The following PIP4K2A variants were observed in gnomAD, a reference collection of about 807,000 sequenced individuals.
PIP4K2A encodes phosphatidylinositol-5-phosphate 4-kinase type 2 alpha.
Under a neutral mutation model 42.9 loss-of-function variants are expected in PIP4K2A, and 14 were observed. The observed-to-expected ratio is 0.33, with a 90% CI of 0.22 to 0.51. PIP4K2A has a LOEUF of 0.51. Ranked by LOEUF, PIP4K2A falls within the 20% of genes least tolerant of loss-of-function variation. The pLI, the probability that PIP4K2A is intolerant of heterozygous loss-of-function variation, is 0.97. For synonymous variants in PIP4K2A, 192 were observed against 192.2 expected (o/e 1.00, Z 0.01); for missense variants, 434 against 519.8 (o/e 0.83, Z 1.61).
intron 3 of PIP4K2A, among the ~76,000 whole-genome samples, chr10:22,592,978 T>A (rs192100523): frequency 6.6e-6 from 1 of 152,256 alleles, no homozygotes; most frequent in Non-Finnish European, 1.5e-5. Flanking sequence ...GGGCAGGTGA[T>A]AGATAGCTCT....
intron 7 of PIP4K2A, among the ~76,000 whole-genome samples, chr10:22,546,307 C>CT (rs1225277564): frequency 1.3e-5 from 2 of 152,084 alleles, no homozygotes; most frequent in East Asian, 1.9e-4. Context: ...TGGTAGAAGT[C>CT]TTTTTTTAAT....
chr10:22,577,270 C>T (rs900231444), intron 4 of PIP4K2A, among the ~76,000 whole-genome samples: 1 of 151,826 alleles, frequency 6.6e-6, no homozygotes, highest in East Asian at 1.9e-4. Flanking sequence ...GCTTGACTTC[C>T]GGTAGCCCCA....
At chr10:22,652,391 G>A (rs147148213) in intron 1 of PIP4K2A, among the ~76,000 whole-genome samples, 80 of 152,228 alleles carry the variant, frequency 5.3e-4, no homozygotes, top group Non-Finnish European at 1.0e-3. Context: ...AAAGTACAGG[G>A]ATTACAAGTG....
chr10:22,625,435 T>C (rs1246182058), intron 1 of PIP4K2A, among the ~76,000 whole-genome samples: 1 of 152,226 alleles, frequency 6.6e-6, no homozygotes, highest in African/African-American at 2.4e-5. Context: ...ATGACTATAA[T>C]GTATACATCA....
chr10:22,601,443 C>G (rs16922488), intron 3 of PIP4K2A, among the ~76,000 whole-genome samples: 1 of 152,250 alleles, frequency 6.6e-6, no homozygotes, highest in African/African-American at 2.4e-5. Context: ...GAGCTTCCCC[C>G]AGTCTATCAA....
chr10:22,590,182 C>A (rs760861024), intron 4 of PIP4K2A, among the ~76,000 whole-genome samples: 2 of 152,198 alleles, frequency 1.3e-5, no homozygotes, highest in South Asian at 2.1e-4. Context: ...CAGACTTCAA[C>A]CTCTAGAACT....
At chr10:22,553,415 C>T (rs1836458700) in intron 6 of PIP4K2A, among the ~76,000 whole-genome samples, 1 of 152,198 alleles carries the variant, frequency 6.6e-6, no homozygotes, top group Non-Finnish European at 1.5e-5. Context: ...AGCCTGTTTC[C>T]ATAGATGCAG....
chr10:22,579,184 G>A (rs1035749160), intron 4 of PIP4K2A, among the ~76,000 whole-genome samples: 9 of 152,098 alleles, frequency 5.9e-5, no homozygotes, highest in African/African-American at 2.2e-4. Flanking sequence ...GTTAACTTGG[G>A]GGAGAATTCG....
At chr10:22,540,562 A>G (rs1836078638) in intron 8 of PIP4K2A, among the ~76,000 whole-genome samples, 1 of 151,948 alleles carries the variant, frequency 6.6e-6, no homozygotes, top group Non-Finnish European at 1.5e-5. Flanking sequence ...TCCAATGTCT[A>G]TTTTCTTTTT....
rs777846741 is a variant in PIP4K2A at position 22,541,849 on chromosome 10, C to T, written c.991G>A (p.Glu331Lys). ...LNSSPPLAPG[E>K]FDPNIDVYGI... ...TAGACGTCGATGTTCGGATCGAACT[C>T]CCCGGGAGCCAGGGGTGGTGAGCTG... The change falls in exon 8 of 10, where the codon GAG becomes AAG. Residue 331 changes from glutamate (E) to lysine (K), a missense_variant. Physicochemically the swap from Glu to Lys is moderately conservative, Grantham distance 56. Around this residue, in one of 2 missense-constraint regions of PIP4K2A, gnomAD observed 395 missense variants for 444.5 expected, o/e 0.89. Transcript: ENST00000376573. 1.3e-5 allele frequency: 21 copies of T among 1,597,294 alleles called. No homozygotes were observed. The highest frequency in any genetic ancestry group is 1.7e-5 in the Non-Finnish European group (20 of 1,172,160).
At chr10:22,706,246 T>C (rs1403350397) in intron 1 of PIP4K2A, among the ~76,000 whole-genome samples, 2 of 152,120 alleles carry the variant, frequency 1.3e-5, no homozygotes, top group African/African-American at 4.8e-5. Context: ...GTCCTCCTCA[T>C]TGTTACCTCC....
chr10:22,625,075 G>A lies in PIP4K2A; in HGVS notation c.145-15358C>T, dbSNP rs995351170. Among the ~76,000 whole-genome samples the A allele has an allele frequency of 5.3e-5, 8 of 152,264 alleles. No individual in the cohort carries two copies. In the South Asian group the frequency reaches 1.4e-3, roughly 28 times the overall value. The stretch of plus-strand genomic sequence containing the variant: ...AACTAAAAACCTTTGTATAACTGGC[G>A]AGATGTGTTGAGAAAAGGAGCATAA... On this transcript the variant is annotated intron_variant, in intron 1 of 9. Transcript: ENST00000376573.
intron 4 of PIP4K2A, among the ~76,000 whole-genome samples, chr10:22,575,149 A>G (rs1304291249): frequency 6.6e-6 from 1 of 152,232 alleles, no homozygotes; most frequent in African/African-American, 2.4e-5. Flanking sequence ...GAGTATGTCA[A>G]AATACTTCAC....
chr10:22,655,307 C>T (rs1212667704), intron 1 of PIP4K2A, among the ~76,000 whole-genome samples: 1 of 152,326 alleles, frequency 6.6e-6, no homozygotes, highest in African/African-American at 2.4e-5. Flanking sequence ...AGGCACCGAT[C>T]CCTGTCTATG....
intron 1 of PIP4K2A, among the ~76,000 whole-genome samples, chr10:22,647,056 A>G (rs978428694): frequency 6.6e-6 from 1 of 152,188 alleles, no homozygotes; most frequent in Non-Finnish European, 1.5e-5. Context: ...GTTTACTTCT[A>G]CTACAAAGTT....
intron 1 of PIP4K2A, among the ~76,000 whole-genome samples, chr10:22,624,891 C>T (rs1251605370): frequency 1.3e-5 from 2 of 152,172 alleles, no homozygotes; most frequent in Non-Finnish European, 2.9e-5. Flanking sequence ...TATATCAGCA[C>T]ACTTAGTAAC....
intron 1 of PIP4K2A, among the ~76,000 whole-genome samples, chr10:22,701,192 G>T (rs1384478305): frequency 6.6e-6 from 1 of 152,122 alleles, no homozygotes; most frequent in Non-Finnish European, 1.5e-5. Flanking sequence ...GAGGGGCAGG[G>T]GTATCCCGCC....
intron 1 of PIP4K2A, among the ~76,000 whole-genome samples, chr10:22,611,182 A>G (rs1304150527): frequency 6.6e-6 from 1 of 152,298 alleles, no homozygotes; most frequent in East Asian, 1.9e-4. Flanking sequence ...TGAGCCCAGG[A>G]CTTTGAGACC....
At chr10:22,627,588 TAATAAAAAAAAAAAA>T (rs1412987927) in intron 1 of PIP4K2A, among the ~76,000 whole-genome samples, 1,381 of 38,794 alleles carry the variant, frequency 0.036, 67 homozygotes, top group African/African-American at 0.094. Context: ...AGCTAATATG[TAATAAAAAAAAAAAA>T]AAAAAAAAAA....
Sources: gnomAD v4.1 joint callset for allele counts (sites outside exome capture counted in the v4.1 genomes callset) on GRCh38, gnomAD v4.1.1 for gene constraint, gnomAD v4.1.1 regional missense constraint, MANE v1.5 for transcripts, NCBI Gene and HGNC (gene_info 2026-07-23, HGNC 2026-07-21) for gene names.